SGPL1: variants seen among roughly 807,000 people sequenced by gnomAD.
The protein encoded by SGPL1 is SP-lyase 1.
Under a neutral mutation model 68.9 loss-of-function variants are expected in SGPL1, and 37 were observed. That is an observed-to-expected ratio of 0.54 (90% CI 0.41 to 0.71). SGPL1 has a LOEUF of 0.71. SGPL1 is among the 30% of genes least tolerant of loss of function. The probability of loss-of-function intolerance (pLI) is 0.00; values close to 1 mark genes in which losing one functional copy is unlikely to be tolerated. For synonymous variants in SGPL1, 236 were observed against 248.5 expected, an observed-to-expected ratio of 0.95 and a Z score of 0.47; for missense variants, 551 against 704.6, an observed-to-expected ratio of 0.78 and a Z score of 2.47.
chr10:70,851,853 G>A (rs113439356), intron 4 of SGPL1, among the ~76,000 whole-genome samples: 2 of 152,194 alleles, frequency 1.3e-5, no homozygotes, highest in Non-Finnish European at 2.9e-5. Flanking sequence ...CTTTCTTTAC[G>A]AATTCAGGTA....
intron 2 of SGPL1, among the ~76,000 whole-genome samples, chr10:70,837,133 A>G (rs942001839): frequency 6.6e-6 from 1 of 151,530 alleles, no homozygotes; most frequent in Non-Finnish European, 1.5e-5. Context: ...GCTGGAGTAC[A>G]GTGGTACGAT....
intron 2 of SGPL1, among the ~76,000 whole-genome samples, chr10:70,821,042 G>A (rs891834395): frequency 9.8e-5 from 15 of 152,288 alleles, no homozygotes; most frequent in African/African-American, 3.4e-4. Context: ...TGACAGGCTC[G>A]GGCTATCAGC....
chr10:70,817,868 C>A (rs1264391876), intron 2 of SGPL1, among the ~76,000 whole-genome samples: 1 of 152,168 alleles, frequency 6.6e-6, no homozygotes, highest in East Asian at 1.9e-4. Context: ...AATTTAAGTT[C>A]TTTTGTTGGA....
chr10:70,862,079 C>T (rs554210302), intron 7 of SGPL1, among the ~76,000 whole-genome samples: 4 of 152,370 alleles, frequency 2.6e-5, no homozygotes, highest in Non-Finnish European at 4.4e-5. Flanking sequence ...CAGCTCCACC[C>T]GCAGCCCCGG....
intron 2 of SGPL1, among the ~76,000 whole-genome samples, chr10:70,825,170 A>G (rs1480648044): frequency 2.0e-5 from 3 of 152,072 alleles, no homozygotes; most frequent in African/African-American, 7.2e-5. Context: ...AGTTGAGATG[A>G]AGGAGAAGGT....
At chr10:70,854,552 G>C (rs562926435) in intron 4 of SGPL1, among the ~76,000 whole-genome samples, 156 bp from the exon 5 acceptor site, 50 of 152,166 alleles carry the variant, frequency 3.3e-4, no homozygotes, top group Non-Finnish European at 6.6e-4. Context: ...GAAAGTAGCT[G>C]ATCAGTCAGA....
intron 11 of SGPL1, 48 bp from the exon 12 acceptor site, chr10:70,873,303 C>T: frequency 7.3e-7 from 1 of 1,372,452 alleles, no homozygotes; most frequent in East Asian, 2.3e-5. Context: ...CAAGGTCTGC[C>T]AGACAGAACT....
At chr10:70,842,982 T>C (rs1285919512) in intron 2 of SGPL1, among the ~76,000 whole-genome samples, 1 of 151,468 alleles carries the variant, frequency 6.6e-6, no homozygotes, top group Non-Finnish European at 1.5e-5. Flanking sequence ...TCATGTAGCT[T>C]ACACTTTGCC....
intron 10 of SGPL1, 35 bp downstream of exon 10, chr10:70,871,181 A>G: frequency 1.4e-6 from 2 of 1,411,202 alleles, no homozygotes; most frequent in East Asian, 4.6e-5. Flanking sequence ...AGGCAGGCAA[A>G]TGGATATTTT....
intron 3 of SGPL1, among the ~76,000 whole-genome samples, chr10:70,846,384 T>A (rs1205646595): frequency 2.0e-4 from 1 of 4,920 alleles, no homozygotes; most frequent in Non-Finnish European, 1.8e-3. Context: ...TTTTAACTTT[T>A]CATTAAAAAA....
chr10:70,847,489 A>G (rs1011086323), intron 3 of SGPL1, among the ~76,000 whole-genome samples: 4 of 152,202 alleles, frequency 2.6e-5, no homozygotes, highest in Admixed American at 1.3e-4. Flanking sequence ...AAAGCAGTAC[A>G]TATTCACTAT....
chr10:70,826,859 G>A (rs1845446538), intron 2 of SGPL1, among the ~76,000 whole-genome samples: 1 of 152,028 alleles, frequency 6.6e-6, no homozygotes. Context: ...TGTAGTTTAA[G>A]TTCATTCATT....
intron 2 of SGPL1, among the ~76,000 whole-genome samples, chr10:70,822,861 A>C (rs972141440): frequency 6.6e-6 from 1 of 151,218 alleles, no homozygotes; most frequent in Non-Finnish European, 1.5e-5. Flanking sequence ...GTAATATGAC[A>C]GGGACTGTAA....
At chr10:70,872,208 C>G (rs924821271) in intron 11 of SGPL1, among the ~76,000 whole-genome samples, 3 of 152,194 alleles carry the variant, frequency 2.0e-5, no homozygotes, top group Non-Finnish European at 2.9e-5. Flanking sequence ...TTACCTTTAT[C>G]TCAAATTGGC....
At chr10:70,816,948 C>G in intron 2 of SGPL1, 68 bp downstream of exon 2, 1 of 1,444,160 alleles carries the variant, frequency 6.9e-7, no homozygotes, top group African/African-American at 1.4e-5. Flanking sequence ...CCAAAGGATC[C>G]CAGTGTGTAG....
Position 70,851,205 on chromosome 10 carries a change from C to A in SGPL1, c.256C>A (p.Arg86Ser). The stretch of plus-strand genomic sequence containing the variant: ...CACCAGGAAGATGCCCATTATTGGT[C>A]GTAAGGTAAGTAGAATCTGTGTATG... The part of the protein sequence containing the change: ...KLTRKMPIIG[R>S]KIQDKLNKTK... Residue 86 changes from arginine (R) to serine (S), a missense_variant, in exon 4 of 15, where the codon CGT becomes AGT. By Grantham distance (110) the Arg-to-Ser change is moderately radical. Coordinates refer to ENST00000373202, the MANE Select transcript of SGPL1 (RefSeq NM_003901.4). The A allele has an allele frequency of 6.2e-7, 1 of 1,611,842 alleles. No homozygotes were observed. The highest frequency in any genetic ancestry group is 1.6e-4 in the Middle Eastern group (1 of 6,062).
rs181021357 is a variant in SGPL1, at chr10:70,873,673, A to G, written c.1298+84A>G. On this transcript the variant is annotated intron_variant, in intron 12 of 14. Coordinates refer to ENST00000373202, the MANE Select transcript of SGPL1 (RefSeq NM_003901.4). ...AAGGCACCTGCCTGGCTAAGTATCC[A>G]TAGCCCTAGCCCACCTGTTGTCTCC... 1,848 of 1,009,714 alleles carry G rather than the reference A, an allele frequency of 1.8e-3. 5 individuals carry two copies. The highest frequency in any genetic ancestry group is 2.5e-3 in the Non-Finnish European group (1,588 of 642,382). The allele number at this position is 1,009,714 out of a possible 1,614,324, so 62.5% of individuals were successfully genotyped here.
In SGPL1 at chr10:70,877,673, G is replaced by T. The variant is rs1440941336; in HGVS notation, c.*338G>T. 9.1e-6 allele frequency: 2 copies of T among 220,092 alleles called. No individual in the cohort carries two copies. Among genetic ancestry groups the T allele is most frequent in the African/African-American group, 4.4e-5 (2 of 45,176 alleles). 13.6% of individuals were successfully genotyped at this position (220,092 alleles called of 1,614,324 possible). A position where few individuals can be genotyped will look rare whatever the true frequency, so the allele number is the denominator to read the frequency against. The stretch of plus-strand genomic sequence containing the variant: ...AGCTCTGACCTGTCCTGATTCTTTA[G>T]AGAAGCTGGGGTACAGTTTATGAGA... On this transcript the variant is annotated 3_prime_UTR_variant, in exon 15 of 15. Transcript: ENST00000373202.
At position 70,877,271 on chromosome 10, in the gene SGPL1, G is replaced by A. The variant is rs767279343; in HGVS notation, c.1643G>A (p.Ser548Asn). Reference sequence around the variant, plus strand: ...GAATTGTCCTCAGTCTTCTTGGACAGCTTGTACAGCACCGACACTGTCACC... The same window carrying A: ...GAATTGTCCTCAGTCTTCTTGGACAACTTGTACAGCACCGACACTGTCACC... ...VAELSSVFLD[S>N]LYSTDTVTQG... The change falls in exon 15 of 15, where the codon AGC (serine) becomes AAC (asparagine). Residue 548 changes from serine to asparagine, a missense_variant. Ser to Asn is a conservative substitution (Grantham distance 46). Coordinates refer to ENST00000373202, the MANE Select transcript of SGPL1 (RefSeq NM_003901.4). The A allele has an allele frequency of 1.2e-6, 2 of 1,614,120 alleles. No individual in the cohort carries two copies. The highest frequency in any genetic ancestry group is 1.1e-5 in the South Asian group (1 of 91,082).
Sources: allele counts gnomAD v4.1 joint callset (sites outside exome capture counted in the v4.1 genomes callset), GRCh38; gene constraint gnomAD v4.1.1; transcripts MANE v1.5; gene names NCBI Gene and HGNC (gene_info 2026-07-23, HGNC 2026-07-21).